The following AMBRA1 variants were observed in gnomAD, a reference collection of about 807,000 sequenced individuals.
AMBRA1 encodes autophagy and beclin 1 regulator 1, also known as activating molecule in BECN1-regulated autophagy protein 1.
A neutral mutation model predicts 125.4 loss-of-function variants in AMBRA1; 47 were observed. The ratio of observed to expected loss-of-function variants is 0.37; its 90% CI spans 0.30 to 0.48. The LOEUF (loss-of-function observed/expected upper bound fraction) is 0.48. Ranked by LOEUF, AMBRA1 falls within the 20% of genes least tolerant of loss-of-function variation. The pLI is 0.99. For synonymous variants in AMBRA1, 626 were observed against 655.5 expected, an observed-to-expected ratio of 0.95 and a Z score of 0.69; for missense variants, 1,331 against 1,693.4, an observed-to-expected ratio of 0.79 and a Z score of 3.76.
intron 7 of AMBRA1, among the ~76,000 whole-genome samples, chr11:46,534,550 T>C (rs920139256): frequency 8.5e-5 from 13 of 152,162 alleles, no homozygotes; most frequent in African/African-American, 3.1e-4. Context: ...GGTAAATATC[T>C]GTTAATGGAA....
chr11:46,576,606 T>C (rs2043968933), intron 1 of AMBRA1, among the ~76,000 whole-genome samples: 1 of 152,210 alleles, frequency 6.6e-6, no homozygotes, highest in Admixed American at 6.5e-5. Flanking sequence ...TTCAGTATCT[T>C]GTAGTCAGGA....
At chr11:46,482,796 G>A (rs1048292380) in intron 11 of AMBRA1, among the ~76,000 whole-genome samples, 1 of 151,900 alleles carries the variant, frequency 6.6e-6, no homozygotes, top group African/African-American at 2.4e-5. Context: ...AGATCATAAG[G>A]TCAGGAGTTT....
chr11:46,547,282 G>A lies in AMBRA1; in HGVS notation c.209C>T (p.Ser70Phe). Reference sequence around the variant, plus strand: ...ATAGATATTATGGTTCACATGGGTGGAGGCTAAGAGAGTCCTAGAAAATCA... The same window carrying A: ...ATAGATATTATGGTTCACATGGGTGAAGGCTAAGAGAGTCCTAGAAAATCA... ...AFSPDRTLLA[S>F]THVNHNIYIT... The change falls in exon 4 of 18, where the codon TCC (serine) becomes TTC (phenylalanine). Residue 70 changes from serine (S) to phenylalanine (F), a missense_variant. Physicochemically the swap from Ser to Phe is radical, Grantham distance 155. This residue lies in a region of AMBRA1 where 144 missense variants were observed against 250.4 expected (regional missense o/e 0.58). Transcript: ENST00000683756. The A allele has an allele frequency of 6.2e-7, 1 of 1,607,232 alleles. No homozygotes were observed.
At chr11:46,506,643 T>A (rs1022359593) in intron 9 of AMBRA1, among the ~76,000 whole-genome samples, 1 of 152,178 alleles carries the variant, frequency 6.6e-6, no homozygotes, top group Non-Finnish European at 1.5e-5. Context: ...TGACAGGCTG[T>A]CCTCTTTCAC....
chr11:46,522,105 T>C (rs1591022639), intron 7 of AMBRA1, among the ~76,000 whole-genome samples: 2 of 152,180 alleles, frequency 1.3e-5, no homozygotes, highest in African/African-American at 2.4e-5. Flanking sequence ...ACAGAATGTA[T>C]ACATAGTGTG....
chr11:46,562,870 G>A (rs901706392), intron 1 of AMBRA1, among the ~76,000 whole-genome samples: 10 of 150,434 alleles, frequency 6.6e-5, no homozygotes, highest in African/African-American at 2.0e-4. Flanking sequence ...GCATGATCTC[G>A]ACTCACTGCA....
chr11:46,428,545 C>A, intron 14 of AMBRA1: 1 of 998,592 alleles, frequency 1.0e-6, no homozygotes, highest in Non-Finnish European at 1.5e-6. Context: ...CTAGGATCTG[C>A]AGCGATTAGG....
chr11:46,420,357 G>A (rs996767461), intron 14 of AMBRA1, among the ~76,000 whole-genome samples: 1 of 152,134 alleles, frequency 6.6e-6, no homozygotes, highest in African/African-American at 2.4e-5. Flanking sequence ...ATCTCCTCCT[G>A]GCTGGCAGGA....
Position 46,483,895 on chromosome 11 carries a change from G to GA in AMBRA1, c.2521+9712dup, listed in dbSNP as rs1259991942. 4.7e-5 allele frequency among the ~76,000 whole-genome samples: 7 copies of GA among 150,304 alleles called. No homozygotes were observed. The East Asian group carries it at 1.2e-3, about 25-fold the overall frequency. On this transcript the variant is annotated intron_variant, in intron 11 of 17. Coordinates refer to ENST00000683756, the MANE Select transcript of AMBRA1 (RefSeq NM_001387011.1). Reference sequence around the variant, plus strand: ...ACAAAGTGAGACTCTGTCTCGAAAAGAAAAAAAAAGGTAAAAAGAAGGAGG... The same window carrying GA: ...ACAAAGTGAGACTCTGTCTCGAAAAGAAAAAAAAAAGGTAAAAAGAAGGAGG...
At chr11:46,434,815 CCT>C in intron 13 of AMBRA1, 32 bp downstream of exon 13, 1 of 1,544,886 alleles carries the variant, frequency 6.5e-7, no homozygotes, top group Non-Finnish European at 8.7e-7. Context: ...CACCAGCGTC[CCT>C]CTGTCATTAG....
At chr11:46,586,254 C>T (rs1257245834) in intron 1 of AMBRA1, among the ~76,000 whole-genome samples, 7 of 152,160 alleles carry the variant, frequency 4.6e-5, no homozygotes, top group African/African-American at 1.4e-4. Flanking sequence ...AAAAGAAATA[C>T]AAAAATTAGC....
chr11:46,519,319 C>T (rs1951659062), intron 7 of AMBRA1, among the ~76,000 whole-genome samples: 1 of 152,100 alleles, frequency 6.6e-6, no homozygotes, highest in African/African-American at 2.4e-5. Context: ...CCACCATGCC[C>T]GGCCCCTTCA....
In AMBRA1 at chr11:46,542,001, C is replaced by T. The variant is rs1371554111; in HGVS notation, c.2016G>A (p.Gln672=). The T allele has an allele frequency of 6.2e-7, 1 of 1,614,068 alleles. No homozygotes were observed. Residue 672 remains glutamine (Q), a synonymous_variant, in exon 7 of 18, where the codon CAG becomes CAA. Coordinates refer to ENST00000683756, the MANE Select transcript of AMBRA1 (RefSeq NM_001387011.1). This position sits in a 1 kb window ranked among gnomAD's most constrained non-coding sequence, Gnocchi z 5.9. ...TQSSRSGTVS[Q]EALHQDMPEE... is the part of the protein sequence containing the mutation. ...CAGGCATATCCTGATGTAAGGCCTC[C>T]TGTGACACAGTTCCAGATCTGCTGG...
intron 7 of AMBRA1, among the ~76,000 whole-genome samples, chr11:46,541,200 C>T (rs1036891205): frequency 2.0e-5 from 3 of 152,094 alleles, no homozygotes; most frequent in Non-Finnish European, 4.4e-5. Flanking sequence ...ATATGGTGGG[C>T]GATCAACTAC....
intron 1 of AMBRA1, among the ~76,000 whole-genome samples, chr11:46,564,239 T>C (rs1439006926): frequency 8.2e-6 from 1 of 122,630 alleles, no homozygotes; most frequent in African/African-American, 3.1e-5. Flanking sequence ...AAAAGAGAAA[T>C]CCCAGTATGT....
intron 1 of AMBRA1, among the ~76,000 whole-genome samples, chr11:46,590,157 G>A (rs1352703146): frequency 1.3e-5 from 2 of 151,664 alleles, no homozygotes; most frequent in East Asian, 2.0e-4. Flanking sequence ...CAGATCACAA[G>A]GTCAGGAGAT....
intron 1 of AMBRA1, among the ~76,000 whole-genome samples, chr11:46,589,851 T>C (rs2044529904): frequency 6.6e-6 from 1 of 151,436 alleles, no homozygotes; most frequent in African/African-American, 2.4e-5. Flanking sequence ...CTCAATCTCC[T>C]GACCTCATGA....
At chr11:46,500,449 C>G (rs1193898083) in intron 9 of AMBRA1, among the ~76,000 whole-genome samples, 1 of 152,214 alleles carries the variant, frequency 6.6e-6, no homozygotes, top group Non-Finnish European at 1.5e-5. Flanking sequence ...CCACTGCTTT[C>G]TAACTGGTAC....
intron 11 of AMBRA1, among the ~76,000 whole-genome samples, chr11:46,446,537 T>A (rs1028599811): frequency 6.6e-6 from 1 of 152,206 alleles, no homozygotes; most frequent in African/African-American, 2.4e-5. Context: ...TGGAACAAGC[T>A]AGACTCAGAG....
Sources: gnomAD v4.1 joint callset for allele counts (sites outside exome capture counted in the v4.1 genomes callset) on GRCh38, gnomAD v4.1.1 for gene constraint, gnomAD v4.1.1 regional missense constraint, Gnocchi (gnomAD v3.1) non-coding constraint, MANE v1.5 for transcripts, NCBI Gene and HGNC (gene_info 2026-07-23, HGNC 2026-07-21) for gene names.